ATP13A4: variants seen among roughly 807,000 people sequenced by gnomAD.
ATP13A4 encodes the protein probable cation-transporting ATPase 13A4.
A neutral mutation model predicts 142.5 loss-of-function variants in ATP13A4; 114 were observed. That is an observed-to-expected ratio of 0.80 (90% CI 0.69 to 0.93). The LOEUF (loss-of-function observed/expected upper bound fraction) is 0.93. Ranked by LOEUF, ATP13A4 falls within the 40% of genes least tolerant of loss-of-function variation. The probability of loss-of-function intolerance (pLI) is 0.00; values close to 1 mark genes in which losing one functional copy is unlikely to be tolerated. For synonymous variants in ATP13A4, 488 were observed against 514.8 expected, an observed-to-expected ratio of 0.95 and a Z score of 0.70; for missense variants, 1,392 against 1,454.0, an observed-to-expected ratio of 0.96 and a Z score of 0.69.
At chr3:193,441,632 G>A in intron 19 of ATP13A4, 44 bp from the exon 20 acceptor site, 1 of 1,602,720 alleles carries the variant, frequency 6.2e-7, no homozygotes, top group Non-Finnish European at 8.5e-7. Context: ...TCATTTGACA[G>A]AGTGGTTAGA....
Position 193,436,672 on chromosome 3 carries a change from G to A in ATP13A4, c.2673-928C>T, listed in dbSNP as rs374281768. Among the ~76,000 whole-genome samples, 36 of 151,360 alleles carry A rather than the reference G, an allele frequency of 2.4e-4. 1 individual carries two copies. In the East Asian group the frequency reaches 3.2e-3, roughly 13 times the overall value. ...TCATCACGTTGGCCAAGCTGGTCTC[G>A]AACTCCTGACCTCAAGTGATCCACC... On this transcript the variant is annotated intron_variant, in intron 23 of 29. Transcript: ENST00000342695.
At chr3:193,482,825 A>G (rs1719370808) in intron 8 of ATP13A4, among the ~76,000 whole-genome samples, 1 of 152,214 alleles carries the variant, frequency 6.6e-6, no homozygotes, top group African/African-American at 2.4e-5. Flanking sequence ...GCGTTGGACC[A>G]AAGATTGGCA....
At chr3:193,447,470 G>T (rs1717023044) in intron 18 of ATP13A4, among the ~76,000 whole-genome samples, 1 of 152,148 alleles carries the variant, frequency 6.6e-6, no homozygotes, top group South Asian at 2.1e-4. Context: ...GTATCTTCGT[G>T]ACATAAATGA....
At chr3:193,513,684 G>A (rs1721255242) in intron 2 of ATP13A4, among the ~76,000 whole-genome samples, 1 of 152,226 alleles carries the variant, frequency 6.6e-6, no homozygotes. Context: ...GAAATACAGG[G>A]AAACTCACCC....
intron 15 of ATP13A4, 113 bp from the exon 16 acceptor site, chr3:193,457,266 C>T (rs116800109): frequency 0.018 from 28,985 of 1,569,222 alleles, 333 homozygotes; most frequent in Non-Finnish European, 0.023. Flanking sequence ...AAGGTCTCAC[C>T]CATTTTCACA....
At chr3:193,572,964 C>T (rs959283000) in intron 2 of ATP13A4, among the ~76,000 whole-genome samples, 1 of 86,966 alleles carries the variant, frequency 1.1e-5, no homozygotes, top group Admixed American at 1.7e-4. Context: ...ACCTTCTTTA[C>T]AAAAAAAAAA....
At chr3:193,418,378 T>G (rs1253433368) in intron 25 of ATP13A4, among the ~76,000 whole-genome samples, 1 of 147,982 alleles carries the variant, frequency 6.8e-6, no homozygotes, top group African/African-American at 2.5e-5. Context: ...CTAAAAGCCC[T>G]TAGTACTCAT....
At chr3:193,480,611 C>A (rs775370438) in intron 8 of ATP13A4, among the ~76,000 whole-genome samples, 3 of 151,824 alleles carry the variant, frequency 2.0e-5, no homozygotes, top group Non-Finnish European at 4.4e-5. Flanking sequence ...CGGCCATAAT[C>A]AAAAAATCAA....
intron 1 of ATP13A4, among the ~76,000 whole-genome samples, chr3:193,587,076 T>C (rs545849885): frequency 4.6e-5 from 7 of 152,352 alleles, no homozygotes; most frequent in African/African-American, 1.4e-4. Context: ...AATTATATTA[T>C]GGTTTTTTAA....
At chr3:193,456,458 C>T (rs995482747) in intron 16 of ATP13A4, among the ~76,000 whole-genome samples, 1 of 152,148 alleles carries the variant, frequency 6.6e-6, no homozygotes, top group African/African-American at 2.4e-5. Context: ...AGGAAAAGCA[C>T]AGGATGAGGA....
intron 1 of ATP13A4, among the ~76,000 whole-genome samples, chr3:193,534,150 T>G (rs1326855613): frequency 6.6e-6 from 1 of 152,170 alleles, no homozygotes; most frequent in Admixed American, 6.5e-5. Flanking sequence ...CTTGCCATCT[T>G]CAAATATCAA....
chr3:193,413,531 G>A (rs1371338301), intron 26 of ATP13A4, among the ~76,000 whole-genome samples: 3 of 152,198 alleles, frequency 2.0e-5, no homozygotes, highest in Non-Finnish European at 4.4e-5. Flanking sequence ...AAGTAGGGAA[G>A]AGACCGTTGA....
At chr3:193,582,609 GTATAT>G (rs1253392487) in intron 1 of ATP13A4, among the ~76,000 whole-genome samples, 1 of 109,452 alleles carries the variant, frequency 9.1e-6, no homozygotes, top group African/African-American at 3.8e-5. Flanking sequence ...TATATTACAT[GTATAT>G]TATATATGTA....
intron 2 of ATP13A4, among the ~76,000 whole-genome samples, chr3:193,567,309 T>C (rs992925518): frequency 6.6e-6 from 1 of 152,206 alleles, no homozygotes; most frequent in Non-Finnish European, 1.5e-5. Context: ...TGAATATCTC[T>C]GAGGGAGAAT....
At chr3:193,429,049 C>T (rs1219108971) in intron 25 of ATP13A4, among the ~76,000 whole-genome samples, 1 of 152,004 alleles carries the variant, frequency 6.6e-6, no homozygotes, top group Non-Finnish European at 1.5e-5. Context: ...GAGCACATGA[C>T]TATATGTTCA....
chr3:193,523,976 T>C (rs1477417070), intron 1 of ATP13A4, among the ~76,000 whole-genome samples: 2 of 152,152 alleles, frequency 1.3e-5, no homozygotes, highest in Non-Finnish European at 2.9e-5. Flanking sequence ...CTTGCCATGA[T>C]CTTTTTTCCC....
chr3:193,505,429 C>G (rs747787229), intron 2 of ATP13A4, among the ~76,000 whole-genome samples: 4 of 152,104 alleles, frequency 2.6e-5, no homozygotes, highest in African/African-American at 9.7e-5. Context: ...AACTGACATT[C>G]ATCTATACAC....
At position 193,436,946 on chromosome 3, in the gene ATP13A4, T is replaced by C. The variant is rs1240027740; in HGVS notation, c.2673-1202A>G. ...GGCGAAACCCCGTCTCTACTAAAAA[T>C]GCAAAAAATTAGCCGGGCGTGGTGG... On this transcript the variant is annotated intron_variant, in intron 23 of 29. Transcript: ENST00000342695. Among the ~76,000 whole-genome samples, 125 of 147,870 alleles carry C rather than the reference T, an allele frequency of 8.5e-4. 5 individuals are homozygous for C. The highest frequency in any genetic ancestry group is 3.1e-3 in the African/African-American group (120 of 38,260).
chr3:193,452,056 C>T (rs1717311983), intron 17 of ATP13A4, among the ~76,000 whole-genome samples: 1 of 152,160 alleles, frequency 6.6e-6, no homozygotes, highest in Non-Finnish European at 1.5e-5. Context: ...CTCACTATTC[C>T]CCATTGCTCA....
Sources: gnomAD v4.1 joint callset for allele counts (sites outside exome capture counted in the v4.1 genomes callset) on GRCh38, gnomAD v4.1.1 for gene constraint, MANE v1.5 for transcripts, NCBI Gene and HGNC (gene_info 2026-07-23, HGNC 2026-07-21) for gene names.